Variants in GALNTL6 observed in about 807,000 individuals in gnomAD.
The protein encoded by GALNTL6 is polypeptide N-acetylgalactosaminyltransferase like 6, also known as polypeptide N-acetylgalactosaminyltransferase-like 6.
In GALNTL6, 46 loss-of-function variants were observed where a neutral mutation model predicts 73.7. That is an observed-to-expected ratio of 0.62 (90% CI 0.49 to 0.80). The LOEUF is 0.80. Among genes scored for constraint, GALNTL6 ranks in the 30% least tolerant of loss-of-function variants. The pLI is 0.00. For missense variants in GALNTL6, 604 were observed against 755.0 expected (o/e 0.80, Z 2.34); for synonymous variants, 259 against 263.7 (o/e 0.98, Z 0.17).
Position 172,638,990 on chromosome 4 carries a change from G to A in GALNTL6, c.554-170371G>A, listed in dbSNP as rs540940572. On this transcript the variant is annotated intron_variant, in intron 5 of 12. Coordinates refer to ENST00000506823, the MANE Select transcript of GALNTL6 (RefSeq NM_001034845.3). Reference sequence around the variant, plus strand: ...TTCAAAATAATACCACAGAAGTGGCGCGCCCTTCTCAATGCATCATATGAG... The same window carrying A: ...TTCAAAATAATACCACAGAAGTGGCACGCCCTTCTCAATGCATCATATGAG... 9.9e-5 allele frequency among the ~76,000 whole-genome samples: 15 copies of A among 152,102 alleles called. No homozygotes were observed. The South Asian group carries it at 1.2e-3, about 13-fold the overall frequency.
In GALNTL6 at chr4:172,654,504, G is replaced by A. The variant is rs546618759; in HGVS notation, c.554-154857G>A. Among the ~76,000 whole-genome samples the A allele has an allele frequency of 2.0e-4, 30 of 152,154 alleles. No homozygotes were observed. In the South Asian group the frequency reaches 5.8e-3, roughly 29 times the overall value. On this transcript the variant is annotated intron_variant, in intron 5 of 12. Coordinates refer to ENST00000506823, the MANE Select transcript of GALNTL6 (RefSeq NM_001034845.3). Reference sequence around the variant, plus strand: ...TTTCATACTTAGGTCAAAAATCATTGTAATAAAAAATGTTCTACAAATATT... The same window carrying A: ...TTTCATACTTAGGTCAAAAATCATTATAATAAAAAATGTTCTACAAATATT...
At chr4:172,675,015 C>A (rs938259771) in intron 5 of GALNTL6, among the ~76,000 whole-genome samples, 1 of 152,192 alleles carries the variant, frequency 6.6e-6, no homozygotes, top group African/African-American at 2.4e-5. Context: ...TTGCTGGAGA[C>A]ATGATGCAGT....
intron 5 of GALNTL6, among the ~76,000 whole-genome samples, chr4:172,692,030 C>G (rs6810855): frequency 0.99 from 150,696 of 152,226 alleles, 74,611 homozygotes; most frequent in Middle Eastern, 1. Flanking sequence ...ATGCAAAAAG[C>G]GGGATTTTTT....
intron 4 of GALNTL6, among the ~76,000 whole-genome samples, chr4:172,320,933 T>C (rs576422059): frequency 1.3e-5 from 2 of 152,190 alleles, no homozygotes; most frequent in Non-Finnish European, 2.9e-5. Context: ...GGTTTTCTTT[T>C]ATCTGTGATT....
At chr4:171,996,305 G>A (rs1027888174) in intron 2 of GALNTL6, among the ~76,000 whole-genome samples, 98 of 152,076 alleles carry the variant, frequency 6.4e-4, no homozygotes, top group African/African-American at 2.2e-3. Flanking sequence ...TCCATTTTCC[G>A]AGTTTTAAAT....
chr4:172,738,573 T>C (rs1736603110), intron 5 of GALNTL6, among the ~76,000 whole-genome samples: 1 of 143,396 alleles, frequency 7.0e-6, no homozygotes, highest in Non-Finnish European at 1.5e-5. Flanking sequence ...AATACATGAT[T>C]ATATACAAAA....
chr4:172,851,111 G>C (rs1056331138), intron 7 of GALNTL6, among the ~76,000 whole-genome samples: 2 of 151,952 alleles, frequency 1.3e-5, no homozygotes, highest in African/African-American at 4.8e-5. Context: ...GCTTCTAATC[G>C]TGGCTCAGTC....
intron 2 of GALNTL6, among the ~76,000 whole-genome samples, chr4:171,956,197 A>G (rs1463201513): frequency 6.6e-6 from 1 of 152,056 alleles, no homozygotes; most frequent in Non-Finnish European, 1.5e-5. Flanking sequence ...TAGAGACAGC[A>G]TTTTACTATG....
chr4:172,748,808 G>C (rs1737257776), intron 5 of GALNTL6, among the ~76,000 whole-genome samples: 1 of 152,196 alleles, frequency 6.6e-6, no homozygotes, highest in Non-Finnish European at 1.5e-5. Context: ...TGATGGATAT[G>C]CTAATTAGCC....
chr4:172,292,173 T>G lies in GALNTL6; in HGVS notation c.248-19441T>G, dbSNP rs562037707. Among the ~76,000 whole-genome samples, 260 of 152,198 alleles carry G rather than the reference T, an allele frequency of 1.7e-3. 4 individuals are homozygous for G. The highest frequency in any genetic ancestry group is 5.7e-4 in the Non-Finnish European group (39 of 67,988). On this transcript the variant is annotated intron_variant, in intron 3 of 12. Coordinates refer to ENST00000506823, the MANE Select transcript of GALNTL6 (RefSeq NM_001034845.3). The stretch of plus-strand genomic sequence containing the variant: ...CATCACAATCATTACACCTCTCAGG[T>G]ACTTTCATGTAAACTATATTTTTAA...
chr4:172,634,948 A>G (rs1269738118), intron 5 of GALNTL6, among the ~76,000 whole-genome samples: 2 of 152,196 alleles, frequency 1.3e-5, no homozygotes, highest in Admixed American at 6.5e-5. Flanking sequence ...CAACTTATCC[A>G]TAGATGTTAT....
chr4:172,960,911 A>C (rs975604837), intron 10 of GALNTL6, among the ~76,000 whole-genome samples: 1 of 151,952 alleles, frequency 6.6e-6, no homozygotes, highest in Non-Finnish European at 1.5e-5. Flanking sequence ...GCAAGCCCAG[A>C]GAAAAGAGAG....
In GALNTL6 at chr4:172,377,878, C is replaced by T. The variant is rs190314651; in HGVS notation, c.553+29189C>T. On this transcript the variant is annotated intron_variant, in intron 5 of 12. Transcript: ENST00000506823. ...CCCACCCAGAATTCACGCTGGCCCG[C>T]GAGCGCTGCACGCAGCACCAGATCC... Among the ~76,000 whole-genome samples the T allele has an allele frequency of 6.6e-3, 1,010 of 152,054 alleles. 9 individuals are homozygous for T. The highest frequency in any genetic ancestry group is 0.022 in the African/African-American group (914 of 41,452).
chr4:172,883,901 C>A (rs1184944623), intron 8 of GALNTL6, among the ~76,000 whole-genome samples: 2 of 151,912 alleles, frequency 1.3e-5, no homozygotes, highest in African/African-American at 4.8e-5. Context: ...TTTTCTATGC[C>A]TGATTTATTT....
intron 5 of GALNTL6, among the ~76,000 whole-genome samples, chr4:172,723,784 C>CGCT (rs1735631795): frequency 1.6e-5 from 1 of 60,782 alleles, no homozygotes; most frequent in South Asian, 6.4e-4. Context: ...AATCCATTCA[C>CGCT]TTTAGGTATC....
intron 5 of GALNTL6, among the ~76,000 whole-genome samples, chr4:172,349,795 G>A (rs1480050544): frequency 6.6e-6 from 1 of 150,794 alleles, no homozygotes; most frequent in African/African-American, 2.4e-5. Flanking sequence ...TCCAGCCTGG[G>A]TGACAGAGCG....
chr4:172,832,401 C>T (rs6846176), intron 7 of GALNTL6, among the ~76,000 whole-genome samples: 26,235 of 152,104 alleles, frequency 0.17, 2,294 homozygotes, highest in Middle Eastern at 0.26. Flanking sequence ...TAAATTAGAC[C>T]ATCCTAATGC....
chr4:171,992,321 G>T (rs1263084633), intron 2 of GALNTL6, among the ~76,000 whole-genome samples: 5 of 151,872 alleles, frequency 3.3e-5, no homozygotes, highest in Admixed American at 1.3e-4. Flanking sequence ...AGGAATGAAT[G>T]AAGATTGATT....
intron 3 of GALNTL6, among the ~76,000 whole-genome samples, chr4:172,304,475 G>T (rs1422413589): frequency 6.6e-6 from 1 of 151,564 alleles, no homozygotes; most frequent in Non-Finnish European, 1.5e-5. Context: ...TGGGTATGCT[G>T]GTTTAATTGT....
Sources: allele counts gnomAD v4.1 joint callset (sites outside exome capture counted in the v4.1 genomes callset), GRCh38; gene constraint gnomAD v4.1.1; transcripts MANE v1.5; gene names NCBI Gene and HGNC (gene_info 2026-07-23, HGNC 2026-07-21).